MC2R: variants seen among roughly 807,000 people sequenced by gnomAD.
MC2R encodes melanocortin 2 receptor, also known as adrenocorticotropic hormone receptor.
A neutral mutation model predicts 9.8 loss-of-function variants in MC2R; 9 were observed. The observed-to-expected ratio is 0.92, with a 90% CI of 0.55 to 1.60. The LOEUF (loss-of-function observed/expected upper bound fraction) is 1.60. Among genes scored for constraint, MC2R ranks in the 40% most tolerant of loss-of-function variants. MC2R has a pLI of 0.00. For synonymous variants in MC2R, 185 were observed against 154.7 expected (o/e 1.20, Z -1.45); for missense variants, 370 against 389.0 (o/e 0.95, Z 0.41).
At chr18:13,899,110 C>G (rs980691205) in intron 1 of MC2R, among the ~76,000 whole-genome samples, 1 of 152,048 alleles carries the variant, frequency 6.6e-6, no homozygotes, top group Non-Finnish European at 1.5e-5. Flanking sequence ...CAAAGAAATT[C>G]AAGACAACAG....
intron 1 of MC2R, among the ~76,000 whole-genome samples, chr18:13,889,929 C>T (rs536909433): frequency 4.2e-4 from 64 of 152,250 alleles, no homozygotes; most frequent in African/African-American, 1.5e-3. Flanking sequence ...TCTAAAGTCC[C>T]ACAGGCTTTG....
intron 1 of MC2R, among the ~76,000 whole-genome samples, chr18:13,907,134 G>A (rs1166223919): frequency 3.3e-5 from 5 of 152,146 alleles, no homozygotes; most frequent in African/African-American, 1.2e-4. Flanking sequence ...CTACAAACAC[G>A]TAGTAACAAC....
rs375652476 is a variant in MC2R, at chr18:13,884,614, G to T, written c.*11C>A. 10 of 1,611,048 alleles carry T rather than the reference G, an allele frequency of 6.2e-6. No homozygotes were observed. The highest frequency in any genetic ancestry group is 1.3e-5 in the African/African-American group (1 of 74,848). ...TATTCCCATGGATTCTAAAACCAGG[G>T]ATCAGCCATTCTACCAGTACCTGCT... On this transcript the variant is annotated 3_prime_UTR_variant, in exon 2 of 2. Transcript: ENST00000327606.
chr18:13,892,474 G>T lies in MC2R; in HGVS notation c.-128-6828C>A, dbSNP rs183491632. Among the ~76,000 whole-genome samples the T allele has an allele frequency of 5.3e-3, 800 of 152,252 alleles. 8 individuals are homozygous for T. The highest frequency in any genetic ancestry group is 0.018 in the African/African-American group (748 of 41,546). ...CTGTTCAGCACAGGCCTCTGGGCAG[G>T]GTCTGGTGGTGGTTGGAGCATGGGT... On this transcript the variant is annotated intron_variant, in intron 1 of 1. Coordinates refer to ENST00000327606, the MANE Select transcript of MC2R (RefSeq NM_000529.2).
At chr18:13,907,173 T>C (rs1336831358) in intron 1 of MC2R, among the ~76,000 whole-genome samples, 1 of 152,162 alleles carries the variant, frequency 6.6e-6, no homozygotes, top group Non-Finnish European at 1.5e-5. Flanking sequence ...TAAAAACAGT[T>C]ACACAGATAA....
rs2045245983 is a variant in MC2R at position 13,883,434 on chromosome 18, G to C, written c.*1191C>G. On this transcript the variant is annotated 3_prime_UTR_variant, in exon 2 of 2. Coordinates refer to ENST00000327606, the MANE Select transcript of MC2R (RefSeq NM_000529.2). ...GGGAGGATGACATTTCCCAGTGACT[G>C]GGTCTGCTTTCACATTCATCTGCAG... 1 of 152,202 alleles carries C rather than the reference G, an allele frequency of 6.6e-6. No individual in the cohort carries two copies. Among genetic ancestry groups the C allele is most frequent in the Admixed American group, 6.5e-5 (1 of 15,280 alleles). The allele number at this position is 152,202 out of a possible 1,614,324, so 9.4% of individuals were successfully genotyped here. A position where few individuals can be genotyped will look rare whatever the true frequency, so the allele number is the denominator to read the frequency against.
chr18:13,894,767 T>C (rs1193504194), intron 1 of MC2R, among the ~76,000 whole-genome samples: 1 of 152,246 alleles, frequency 6.6e-6, no homozygotes, highest in Non-Finnish European at 1.5e-5. Context: ...TTGCTCATTT[T>C]TGCCTGTCAC....
At chr18:13,898,816 G>T (rs150839520) in intron 1 of MC2R, among the ~76,000 whole-genome samples, 32 of 152,312 alleles carry the variant, frequency 2.1e-4, no homozygotes, top group African/African-American at 7.5e-4. Context: ...GTGTTACTGG[G>T]CTTGGAGTGC....
chr18:13,891,033 G>A (rs2045312814), intron 1 of MC2R, among the ~76,000 whole-genome samples: 1 of 152,196 alleles, frequency 6.6e-6, no homozygotes, highest in Non-Finnish European at 1.5e-5. Context: ...TCTGGCCATG[G>A]GGAGGCTTCA....
Position 13,903,565 on chromosome 18 carries a change from C to T in MC2R, c.-129+11923G>A, listed in dbSNP as rs566954624. 1.1e-4 allele frequency among the ~76,000 whole-genome samples: 17 copies of T among 152,126 alleles called. No individual in the cohort carries two copies. In the South Asian group the frequency reaches 3.3e-3, roughly 30 times the overall value. On this transcript the variant is annotated intron_variant, in intron 1 of 1. Transcript: ENST00000327606. ...ACAACATGGATGGAAGCGAAATAAG[C>T]CAGGAACAGAAAGACAAACATCACA...
At chr18:13,898,298 A>T (rs2045358384) in intron 1 of MC2R, among the ~76,000 whole-genome samples, 2 of 152,168 alleles carry the variant, frequency 1.3e-5, no homozygotes, top group Admixed American at 6.5e-5. Flanking sequence ...CCTTTCGGAA[A>T]GAGACGGGTG....
rs983081684 is a variant in MC2R, at chr18:13,884,556, G to A, written c.*69C>T. 1.3e-6 allele frequency: 2 copies of A among 1,534,682 alleles called. No homozygotes were observed. Among genetic ancestry groups the A allele is most frequent in the East Asian group, 2.2e-5 (1 of 44,498 alleles). On this transcript the variant is annotated 3_prime_UTR_variant, in exon 2 of 2. Transcript: ENST00000327606. ...CCAGTGAGGAGCACTGGCATTTGTT[G>A]GAATGTTACACTATTCTGGCACTTG... is the stretch of plus-strand genomic sequence containing the variant.
Position 13,897,344 on chromosome 18 carries a change from G to C in MC2R, c.-128-11698C>G, listed in dbSNP as rs530017425. On this transcript the variant is annotated intron_variant, in intron 1 of 1. Coordinates refer to ENST00000327606, the MANE Select transcript of MC2R (RefSeq NM_000529.2). ...CCAGCCCTAGCCAGGGGGAATCGCT[G>C]ACCCCAATGGTCGGAACTTGAGTTC... Among the ~76,000 whole-genome samples the C allele has an allele frequency of 6.8e-4, 103 of 152,266 alleles. 1 individual carries two copies. Among genetic ancestry groups the C allele is most frequent in the African/African-American group, 2.5e-3 (102 of 41,534 alleles).
chr18:13,904,037 C>G (rs144895349), intron 1 of MC2R, among the ~76,000 whole-genome samples: 10 of 151,354 alleles, frequency 6.6e-5, no homozygotes, highest in South Asian at 2.1e-4. Context: ...TTTGAGTCAC[C>G]CTGTTTCTTC....
At chr18:13,892,333 A>G (rs1274533678) in intron 1 of MC2R, among the ~76,000 whole-genome samples, 2 of 151,550 alleles carry the variant, frequency 1.3e-5, no homozygotes, top group Admixed American at 6.6e-5. Context: ...CTTAGAAAAC[A>G]GAGGATGAAG....
chr18:13,891,038 G>A (rs1391773910), intron 1 of MC2R, among the ~76,000 whole-genome samples: 1 of 152,162 alleles, frequency 6.6e-6, no homozygotes, highest in Admixed American at 6.5e-5. Flanking sequence ...CCATGGGGAG[G>A]CTTCAAGCCA....
At chr18:13,888,318 T>C (rs1052811734) in intron 1 of MC2R, among the ~76,000 whole-genome samples, 5 of 152,170 alleles carry the variant, frequency 3.3e-5, no homozygotes, top group Admixed American at 2.0e-4. Flanking sequence ...TGCACGTTTG[T>C]GGATGCTGCC....
In MC2R at chr18:13,899,465, CA is replaced by C. The variant is rs1311511680; in HGVS notation, c.-128-13820del. 2.0e-5 allele frequency among the ~76,000 whole-genome samples: 3 copies of C among 152,160 alleles called. No homozygotes were observed. The East Asian group carries it at 5.8e-4, about 29-fold the overall frequency. On this transcript the variant is annotated intron_variant, in intron 1 of 1. Transcript: ENST00000327606. ...GAAAATTTATTTGAAGGGATAATAACAGAGAACTCCCCAAACCTAGAGAAAG... is the reference window on the plus strand; with the variant it reads ...GAAAATTTATTTGAAGGGATAATAACGAGAACTCCCCAAACCTAGAGAAAG...
intron 1 of MC2R, among the ~76,000 whole-genome samples, chr18:13,893,052 C>T (rs2045326312): frequency 6.6e-6 from 1 of 152,212 alleles, no homozygotes; most frequent in African/African-American, 2.4e-5. Context: ...TAACAGATCT[C>T]AATCTTCAGT....
Sources: gnomAD v4.1 joint callset for allele counts (sites outside exome capture counted in the v4.1 genomes callset) on GRCh38, gnomAD v4.1.1 for gene constraint, MANE v1.5 for transcripts, NCBI Gene and HGNC (gene_info 2026-07-23, HGNC 2026-07-21) for gene names.